The following PRKDC variants were observed in gnomAD, a reference collection of about 807,000 sequenced individuals.
PRKDC encodes the protein DNA-dependent protein kinase catalytic subunit.
Under a neutral mutation model 486.9 loss-of-function variants are expected in PRKDC, and 82 were observed. The observed-to-expected ratio is 0.17, with a 90% confidence interval of 0.14 to 0.20. PRKDC has a LOEUF of 0.20. Ranked by LOEUF, PRKDC falls within the 10% of genes least tolerant of loss-of-function variation. The pLI, the probability that PRKDC is intolerant of heterozygous loss-of-function variation, is 1.00. For synonymous variants in PRKDC, 1,895 were observed against 1,837.0 expected (o/e 1.03, Z -0.81); for missense variants, 4,504 against 5,038.2 (o/e 0.89, Z 3.21).
Position 47,943,857 on chromosome 8 carries a change from G to A in PRKDC, c.804C>T (p.Pro268=), listed in dbSNP as rs1454390224. The A allele has an allele frequency of 6.3e-7, 1 of 1,588,862 alleles. No homozygotes were observed. The highest frequency in any genetic ancestry group is 8.6e-7 in the Non-Finnish European group (1 of 1,164,638). The change falls in exon 9 of 86, where the codon CCC becomes CCT. Residue 268 remains proline (P), a synonymous_variant. Coordinates refer to ENST00000314191, the MANE Select transcript of PRKDC (RefSeq NM_006904.7). ...TCATTATAAACAGAATCCTACCTGAGGGCACAGCATATCTCTTCAGATCAA... is the reference window on the plus strand; with the variant it reads ...TCATTATAAACAGAATCCTACCTGAAGGCACAGCATATCTCTTCAGATCAA... ...PQIDLKRYAV[P]SAGLRLFALH... is the part of the protein sequence containing the mutation.
chr8:47,909,740 T>C (rs2089861245), intron 25 of PRKDC, among the ~76,000 whole-genome samples: 1 of 152,190 alleles, frequency 6.6e-6, no homozygotes, highest in Non-Finnish European at 1.5e-5. Flanking sequence ...AGACAGCTGC[T>C]CTGGGAGTGT....
At chr8:47,869,363 C>T (rs541779045) in intron 40 of PRKDC, among the ~76,000 whole-genome samples, 1 of 151,842 alleles carries the variant, frequency 6.6e-6, no homozygotes, top group South Asian at 2.1e-4. Context: ...CAGGGAGAAT[C>T]CTGAGTCCCT....
chr8:47,893,000 A>G, intron 31 of PRKDC, 139 bp downstream of exon 31: 1 of 950,240 alleles, frequency 1.1e-6, no homozygotes, highest in Non-Finnish European at 1.4e-6. Context: ...GAACCCTTGC[A>G]GAGAAGTGAC....
intron 49 of PRKDC, among the ~76,000 whole-genome samples, chr8:47,856,764 T>A (rs2088551039): frequency 6.6e-6 from 1 of 152,132 alleles, no homozygotes. Context: ...ACTCTGGGAG[T>A]AGAGAAGATG....
At chr8:47,905,508 G>A (rs938515380) in intron 25 of PRKDC, among the ~76,000 whole-genome samples, 1 of 152,094 alleles carries the variant, frequency 6.6e-6, no homozygotes, top group Non-Finnish European at 1.5e-5. Flanking sequence ...CTGGATTACA[G>A]ACAATCTAGT....
intron 73 of PRKDC, among the ~76,000 whole-genome samples, chr8:47,797,227 C>A (rs557290387): frequency 1.3e-5 from 2 of 152,056 alleles, no homozygotes; most frequent in Admixed American, 1.3e-4. Context: ...GTTTTGACAA[C>A]GTGGAGTGAA....
At chr8:47,842,270 C>A (rs1342904257) in intron 54 of PRKDC, among the ~76,000 whole-genome samples, 3 of 152,244 alleles carry the variant, frequency 2.0e-5, no homozygotes, top group African/African-American at 4.8e-5. Flanking sequence ...CCTTCCCCTA[C>A]CCCCAGCACA....
intron 73 of PRKDC, among the ~76,000 whole-genome samples, chr8:47,795,751 C>T (rs942209035): frequency 1.6e-4 from 24 of 152,222 alleles, no homozygotes; most frequent in Admixed American, 2.0e-4. Context: ...CTTCGGCCTC[C>T]CAAAGTGCTG....
intron 61 of PRKDC, among the ~76,000 whole-genome samples, chr8:47,830,144 T>C (rs2087830054): frequency 6.6e-6 from 1 of 152,150 alleles, no homozygotes; most frequent in Admixed American, 6.5e-5. Context: ...AAAATAAGTA[T>C]CGCCCATAAT....
intron 22 of PRKDC, among the ~76,000 whole-genome samples, chr8:47,917,411 A>T (rs1449307044): frequency 6.6e-6 from 1 of 152,212 alleles, no homozygotes; most frequent in Non-Finnish European, 1.5e-5. Flanking sequence ...CAAAATAATG[A>T]GGTGAGAAGA....
chr8:47,958,884 C>G (rs552660247), intron 1 of PRKDC, among the ~76,000 whole-genome samples: 1 of 151,982 alleles, frequency 6.6e-6, no homozygotes, highest in Admixed American at 6.6e-5. Flanking sequence ...TACAGGCGCT[C>G]GCCACCATGC....
chr8:47,828,316 C>A lies in PRKDC; in HGVS notation c.8429G>T (p.Ser2810Ile). The change falls in exon 62 of 86, where the codon AGC becomes ATC. Residue 2810 changes from serine to isoleucine, a missense_variant. Around this residue, in one of 6 missense-constraint regions of PRKDC, gnomAD observed 1,592 missense variants for 1,724.6 expected, o/e 0.92. Transcript: ENST00000314191. ...TTTCAAAATTCCAGAAAACAAGCTG[C>A]TAAAGAGCTGTTTTGCAATTATTGG... Reference protein sequence around the residue: ...RDPIIAKQLFSSLFSGILKEM... With the variant: ...RDPIIAKQLFISLFSGILKEM... 1.3e-6 allele frequency: 2 copies of A among 1,591,350 alleles called. No homozygotes were observed. The highest frequency in any genetic ancestry group is 1.7e-6 in the Non-Finnish European group (2 of 1,168,692).
intron 64 of PRKDC, among the ~76,000 whole-genome samples, chr8:47,823,146 C>A (rs1475269016): frequency 6.6e-6 from 1 of 151,798 alleles, no homozygotes; most frequent in Non-Finnish European, 1.5e-5. Context: ...CCAGCCTGGG[C>A]AACATAGTGA....
intron 1 of PRKDC, chr8:47,959,215 A>C (rs1201430008): frequency 2.0e-5 from 3 of 152,234 alleles, no homozygotes; most frequent in Non-Finnish European, 4.4e-5. Context: ...AAATGCTAAA[A>C]AGAGGCACTT....
intron 40 of PRKDC, among the ~76,000 whole-genome samples, chr8:47,876,235 T>C (rs1563779538): frequency 6.6e-6 from 1 of 152,236 alleles, no homozygotes; most frequent in Non-Finnish European, 1.5e-5. Flanking sequence ...GTGAAGTTTA[T>C]GATCTGTAAA....
At position 47,821,763 on chromosome 8, in the gene PRKDC, A is replaced by C. The variant is rs1468321124; in HGVS notation, c.8952T>G (p.Gly2984=). ...EALNKQDWVD[G]EPTEAEKDFW... is the part of the protein sequence containing the mutation. The stretch of plus-strand genomic sequence containing the variant: ...AATCCTTCTCGGCTTCTGTGGGCTC[A>C]CCATCTACCCAGTCTTGTTTATTGA... Residue 2984 remains glycine, a synonymous_variant, in exon 65 of 86, where the codon GGT becomes GGG. Transcript: ENST00000314191. 3.1e-6 allele frequency: 5 copies of C among 1,588,348 alleles called. No individual in the cohort carries two copies. The highest frequency in any genetic ancestry group is 1.7e-6 in the Non-Finnish European group (2 of 1,169,288).
intron 54 of PRKDC, among the ~76,000 whole-genome samples, chr8:47,845,687 CAAA>C (rs374041700): frequency 7.6e-6 from 1 of 131,404 alleles, no homozygotes. Context: ...ACTTACCAAG[CAAA>C]AAAAAAAAAA....
At chr8:47,893,945 C>T (rs542431335) in intron 30 of PRKDC, among the ~76,000 whole-genome samples, 2 of 152,240 alleles carry the variant, frequency 1.3e-5, no homozygotes, top group South Asian at 4.1e-4. Flanking sequence ...ATCATTCTGA[C>T]TCTAATGAAG....
rs371227176 is a variant in PRKDC, at chr8:47,837,360, C to T, written c.7613G>A (p.Arg2538Gln). The change falls in exon 57 of 86, where the codon CGG (arginine) becomes CAG (glutamine). Residue 2538 changes from arginine (R) to glutamine (Q), a missense_variant. By Grantham distance (43) the Arg-to-Gln change is conservative (BLOSUM62 1). Transcript: ENST00000314191. ...ATATAAGGAATTTAGTGCCAGCAAC[C>T]GGTCCAAGGTATTTGAAGGTAACCT... ...ETRLPSNTLD[R>Q]LLALNSLYSP... 6.2e-6 allele frequency: 10 copies of T among 1,612,896 alleles called. No homozygotes were observed. The highest frequency in any genetic ancestry group is 1.1e-5 in the South Asian group (1 of 91,038).
Sources: gnomAD v4.1 joint callset for allele counts (sites outside exome capture counted in the v4.1 genomes callset) on GRCh38, gnomAD v4.1.1 for gene constraint, gnomAD v4.1.1 regional missense constraint, MANE v1.5 for transcripts, NCBI Gene and HGNC (gene_info 2026-07-23, HGNC 2026-07-21) for gene names.